Variants in A2ML1 observed in about 807,000 individuals in gnomAD.
A2ML1 encodes alpha-2-macroglobulin like 1.
In A2ML1, 161 loss-of-function variants were observed where a neutral mutation model predicts 181.9. The ratio of observed to expected loss-of-function variants is 0.89; its 90% CI spans 0.78 to 1.01. The LOEUF (loss-of-function observed/expected upper bound fraction) is 1.01, where lower values mean the gene tolerates loss of function less well. Ranked by LOEUF, A2ML1 falls within the 50% of genes least tolerant of loss-of-function variation. The pLI, the probability that A2ML1 is intolerant of heterozygous loss-of-function variation, is 0.00. For synonymous variants in A2ML1, 663 were observed against 666.8 expected (o/e 0.99, Z 0.09); for missense variants, 1,670 against 1,768.1 (o/e 0.94, Z 1.00).
Position 8,848,709 on chromosome 12 carries a change from T to G in A2ML1, c.1834-11T>G. 3 of 1,582,540 alleles carry G rather than the reference T, an allele frequency of 1.9e-6. No homozygotes were observed. Among genetic ancestry groups the G allele is most frequent in the Non-Finnish European group, 2.6e-6 (3 of 1,163,976 alleles). ...ATCAATGCTTTATTTCCTCTCCCCCTCTTGTCCCAGGTCTATGGGATGTTT... is the reference window on the plus strand; with the variant it reads ...ATCAATGCTTTATTTCCTCTCCCCCGCTTGTCCCAGGTCTATGGGATGTTT... On this transcript the variant is annotated splice_polypyrimidine_tract_variant and intron_variant, in intron 15 of 35. Coordinates refer to ENST00000299698, the MANE Select transcript of A2ML1 (RefSeq NM_144670.6).
At chr12:8,881,984 C>G (rs1334132372) in intron 7 of A2ML1, among the ~76,000 whole-genome samples, 1 of 150,954 alleles carries the variant, frequency 6.6e-6, no homozygotes, top group East Asian at 1.9e-4. Flanking sequence ...GCACTCCAGC[C>G]TGGGCGACAG....
At chr12:8,855,114 C>T (rs900843147) in intron 22 of A2ML1, among the ~76,000 whole-genome samples, 6 of 152,038 alleles carry the variant, frequency 3.9e-5, no homozygotes, top group African/African-American at 7.2e-5. Flanking sequence ...AGGCTGGTCT[C>T]GAACTCCTGA....
chr12:8,829,063 C>G (rs758633944), intron 3 of A2ML1, among the ~76,000 whole-genome samples: 82 of 152,334 alleles, frequency 5.4e-4, no homozygotes, highest in African/African-American at 1.9e-3. Flanking sequence ...TGTGTCTTTT[C>G]TACCCTCTTC....
At chr12:8,863,408 A>T (rs1944335698) in intron 28 of A2ML1, among the ~76,000 whole-genome samples, 1 of 152,184 alleles carries the variant, frequency 6.6e-6, no homozygotes, top group Admixed American at 6.5e-5. Flanking sequence ...CCCGGCCTAA[A>T]TCTTTGATTA....
At chr12:8,868,202 G>T in intron 30 of A2ML1, 28 bp from the exon 31 acceptor site, 5 of 1,612,908 alleles carry the variant, frequency 3.1e-6, no homozygotes, top group Non-Finnish European at 4.2e-6. Context: ...TTCCAAGTCT[G>T]ATTTGGCTAC....
chr12:8,826,780 G>A (rs945374455), intron 3 of A2ML1, among the ~76,000 whole-genome samples: 10 of 152,000 alleles, frequency 6.6e-5, no homozygotes, highest in African/African-American at 2.2e-4. Flanking sequence ...CACCACCCCT[G>A]GCTAATTTTT....
intron 6 of A2ML1, 112 bp from the exon 7 acceptor site, chr12:8,836,143 C>A: frequency 2.5e-6 from 2 of 799,476 alleles, no homozygotes; most frequent in South Asian, 1.7e-5. Context: ...AATAATGCCT[C>A]CTTCATTAGA....
intron 26 of A2ML1, among the ~76,000 whole-genome samples, chr12:8,858,961 C>G (rs999396020): frequency 9.2e-5 from 14 of 152,102 alleles, no homozygotes; most frequent in African/African-American, 3.1e-4. Flanking sequence ...TTCATGTTTA[C>G]AACAAATCAA....
intron 13 of A2ML1, among the ~76,000 whole-genome samples, chr12:8,845,839 G>A (rs528999440): frequency 3.1e-3 from 423 of 136,976 alleles, no homozygotes; most frequent in Non-Finnish European, 4.8e-3. Flanking sequence ...GACAGAGCGA[G>A]ACTCCGTCTC....
chr12:8,869,033 C>A (rs1565493881), intron 32 of A2ML1, 102 bp from the exon 33 acceptor site: 1 of 1,145,240 alleles, frequency 8.7e-7, no homozygotes, highest in East Asian at 2.4e-5. Flanking sequence ...CCTACCTTTT[C>A]CACAGTATAT....
chr12:8,866,735 C>A (rs940837065), intron 29 of A2ML1, among the ~76,000 whole-genome samples: 5 of 152,200 alleles, frequency 3.3e-5, no homozygotes, highest in Non-Finnish European at 7.3e-5. Context: ...GATAGAACTT[C>A]TTCACAGCTT....
chr12:8,863,505 T>G (rs1480131109), intron 28 of A2ML1, among the ~76,000 whole-genome samples: 2 of 152,210 alleles, frequency 1.3e-5, no homozygotes, highest in African/African-American at 4.8e-5. Flanking sequence ...AAGCTTCTAT[T>G]TACCTATTTC....
At chr12:8,885,978 A>G (rs377450015) in intron 7 of A2ML1, among the ~76,000 whole-genome samples, 2 of 147,764 alleles carry the variant, frequency 1.4e-5, no homozygotes, top group African/African-American at 5.0e-5. Flanking sequence ...GTTTTGTCTC[A>G]TTGTTTACTT....
Position 8,847,584 on chromosome 12 carries a change from A to C in A2ML1, c.1719A>C (p.Pro573=). ...SLGFSPSQQL[P]GAEVELQLQA... is the part of the protein sequence containing the mutation. ...GCTTCTCCCCCTCCCAGCAGCTTCCAGGAGCAGAAGTGGAGCTGCAGCTGC... is the reference window on the plus strand; with the variant it reads ...GCTTCTCCCCCTCCCAGCAGCTTCCCGGAGCAGAAGTGGAGCTGCAGCTGC... The change falls in exon 15 of 36, where the codon CCA becomes CCC. Residue 573 remains proline (P), a synonymous_variant. Coordinates refer to ENST00000299698, the MANE Select transcript of A2ML1 (RefSeq NM_144670.6). 1 of 1,613,122 alleles carries C rather than the reference A, an allele frequency of 6.2e-7. No individual in the cohort carries two copies. Among genetic ancestry groups the C allele is most frequent in the Non-Finnish European group, 8.5e-7 (1 of 1,179,622 alleles).
At chr12:8,831,940 G>C (rs907269288) in intron 4 of A2ML1, among the ~76,000 whole-genome samples, 20 of 152,090 alleles carry the variant, frequency 1.3e-4, no homozygotes, top group African/African-American at 4.6e-4. Flanking sequence ...AGTAGAGACG[G>C]GGTTTCTTCA....
intron 35 of A2ML1, chr12:8,875,617 T>C (rs963920568): frequency 4.0e-5 from 6 of 151,800 alleles, no homozygotes; most frequent in African/African-American, 1.5e-4. Context: ...TTTTGTATTT[T>C]TAATAGAGAT....
In A2ML1 at chr12:8,867,917, G is replaced by A. The variant is rs1944474567; in HGVS notation, c.3793G>A (p.Val1265Ile). 1 of 1,614,086 alleles carries A rather than the reference G, an allele frequency of 6.2e-7. No individual in the cohort carries two copies. Among genetic ancestry groups the A allele is most frequent in the Non-Finnish European group, 8.5e-7 (1 of 1,180,042 alleles). ...CATGCCATCTGAGGAGATCAACCTG[G>A]TTGTAAAATCCACTGAGAATTTCCA... The part of the protein sequence containing the change: ...AYMPSEEINL[V>I]VKSTENFQRT... The change falls in exon 30 of 36, where the codon GTT becomes ATT. Residue 1265 changes from valine (V) to isoleucine (I), a missense_variant. Transcript: ENST00000299698.
At chr12:8,868,379 G>A (rs1229166707) in intron 31 of A2ML1, 22 bp downstream of exon 31, 1 of 1,608,792 alleles carries the variant, frequency 6.2e-7, no homozygotes, top group Non-Finnish European at 8.5e-7. Flanking sequence ...TGGGGTGCTG[G>A]TGGCCGGCAG....
intron 3 of A2ML1, among the ~76,000 whole-genome samples, chr12:8,825,490 G>T (rs1410890020): frequency 6.6e-6 from 1 of 151,992 alleles, no homozygotes; most frequent in Non-Finnish European, 1.5e-5. Flanking sequence ...ATATATTCTG[G>T]TTATTAATCC....
Sources: gnomAD v4.1 joint callset for allele counts (sites outside exome capture counted in the v4.1 genomes callset) on GRCh38, gnomAD v4.1.1 for gene constraint, MANE v1.5 for transcripts, NCBI Gene and HGNC (gene_info 2026-07-23, HGNC 2026-07-21) for gene names.